The following TRIO variants were observed in gnomAD, a reference collection of about 807,000 sequenced individuals.
TRIO encodes triple functional domain protein.
TRIO carries 58 observed loss-of-function variants against 351.9 expected under a neutral mutation model. The observed-to-expected ratio is 0.16, with a 90% CI of 0.13 to 0.21. The LOEUF (loss-of-function observed/expected upper bound fraction) is 0.21. Ranked by LOEUF, TRIO falls within the 10% of genes least tolerant of loss-of-function variation. TRIO has a pLI of 1.00. For synonymous variants in TRIO, 1,758 were observed against 1,595.7 expected (o/e 1.10, Z -2.42); for missense variants, 3,201 against 4,027.8 (o/e 0.79, Z 5.56).
In TRIO at chr5:14,497,848, T is replaced by C; in HGVS notation, c.8021T>C (p.Leu2674Pro). The C allele has an allele frequency of 6.8e-6, 11 of 1,614,264 alleles. No individual in the cohort carries two copies. Among genetic ancestry groups the C allele is most frequent in the Non-Finnish European group, 9.3e-6 (11 of 1,180,054 alleles). ...EGLSNKVSVK[L>P]LNPNYIYDVP... ...GCTTGTTTGCTGTTTCCATTTCAGCTTCTCAATCCCAACTACATTTATGAC... is the reference window on the plus strand; with the variant it reads ...GCTTGTTTGCTGTTTCCATTTCAGCCTCTCAATCCCAACTACATTTATGAC... Residue 2674 changes from leucine (L) to proline (P), a missense_variant and splice_region_variant, in exon 51 of 57, where the codon CTT becomes CCT. This residue lies in a region of TRIO where 1,089 missense variants were observed against 954.9 expected (regional missense o/e 1.14). Transcript: ENST00000344204. The surrounding 1 kb of genome is among the most constrained non-coding windows in gnomAD (Gnocchi z 4.4).
chr5:14,486,723 T>C (rs1490975220), intron 47 of TRIO, among the ~76,000 whole-genome samples: 1 of 152,154 alleles, frequency 6.6e-6, no homozygotes, highest in Non-Finnish European at 1.5e-5. Context: ...AGATCGCTCA[T>C]GGGCTGGGAG....
rs187322761 is a variant in TRIO, at chr5:14,482,875, A to G, written c.6657+102A>G. 76 of 1,167,014 alleles carry G rather than the reference A, an allele frequency of 6.5e-5. No individual in the cohort carries two copies. The Admixed American group carries it at 2.1e-3, about 33-fold the overall frequency. 72.3% of individuals were successfully genotyped at this position (1,167,014 alleles called of 1,614,324 possible). ...ATGACATACCCTGATGCTTCGTTTA[A>G]GTATTTGAGAATTTTCTAGTATATT... On this transcript the variant is annotated intron_variant, in intron 46 of 56. Coordinates refer to ENST00000344204, the MANE Select transcript of TRIO (RefSeq NM_007118.4).
At chr5:14,437,860 C>A (rs532919270) in intron 34 of TRIO, among the ~76,000 whole-genome samples, 1 of 152,186 alleles carries the variant, frequency 6.6e-6, no homozygotes, top group South Asian at 2.1e-4. Flanking sequence ...TGGTTTGGGG[C>A]GATGTGAAAT....
chr5:14,228,291 A>G lies in TRIO; in HGVS notation c.158-42534A>G, dbSNP rs184206123. 2.9e-3 allele frequency among the ~76,000 whole-genome samples: 438 copies of G among 152,300 alleles called. 10 individuals carry two copies. Among genetic ancestry groups the G allele is most frequent in the Admixed American group, 0.024 (362 of 15,300 alleles). ...GAATGGACAGAAATCAATTCCTGGT[A>G]CCTGTGACAAAGAAAAAACCATCCA... is the stretch of plus-strand genomic sequence containing the variant. On this transcript the variant is annotated intron_variant, in intron 1 of 56. Coordinates refer to ENST00000344204, the MANE Select transcript of TRIO (RefSeq NM_007118.4).
chr5:14,457,545 GA>G (rs1753446119), intron 34 of TRIO, among the ~76,000 whole-genome samples: 1 of 152,084 alleles, frequency 6.6e-6, no homozygotes, highest in African/African-American at 2.4e-5. Context: ...GCTGGGGAAT[GA>G]CGTATTTAAT....
chr5:14,318,454 CAAAA>C (rs35221462), intron 9 of TRIO, among the ~76,000 whole-genome samples: 4 of 115,526 alleles, frequency 3.5e-5, no homozygotes, highest in Non-Finnish European at 5.4e-5. Context: ...GACTCCATCT[CAAAA>C]AAAAAAAAAA....
chr5:14,317,960 C>T (rs1000944335), intron 9 of TRIO, among the ~76,000 whole-genome samples: 2 of 152,098 alleles, frequency 1.3e-5, no homozygotes, highest in African/African-American at 4.8e-5. Flanking sequence ...AACCGTGTCT[C>T]TACTCAGAAT....
At chr5:14,390,748 G>T (rs1417047271) in intron 26 of TRIO, among the ~76,000 whole-genome samples, 153 bp from the exon 27 acceptor site, 2 of 152,146 alleles carry the variant, frequency 1.3e-5, no homozygotes, top group African/African-American at 4.8e-5. Context: ...AGAACGATGT[G>T]TTTCTTATTT....
At chr5:14,380,394 C>T (rs1579483435) in intron 20 of TRIO, among the ~76,000 whole-genome samples, 1 of 152,244 alleles carries the variant, frequency 6.6e-6, no homozygotes, top group Non-Finnish European at 1.5e-5. Flanking sequence ...AGGCGCAGAC[C>T]TCTGGGTTTC....
At chr5:14,439,455 A>T (rs889784949) in intron 34 of TRIO, among the ~76,000 whole-genome samples, 3 of 152,250 alleles carry the variant, frequency 2.0e-5, no homozygotes, top group Non-Finnish European at 4.4e-5. Flanking sequence ...AAATTCCCTG[A>T]CAGCTCTTTT....
At chr5:14,474,757 G>A (rs931597855) in intron 40 of TRIO, among the ~76,000 whole-genome samples, 1 of 152,060 alleles carries the variant, frequency 6.6e-6, no homozygotes, top group South Asian at 2.1e-4. Context: ...TGAACTCCTG[G>A]GTTCAAGTAA....
intron 1 of TRIO, among the ~76,000 whole-genome samples, chr5:14,146,856 G>A (rs996260894): frequency 9.2e-5 from 14 of 152,198 alleles, no homozygotes; most frequent in African/African-American, 3.1e-4. Flanking sequence ...CGTCCACCCA[G>A]GGTTCACCTC....
At chr5:14,150,860 A>T (rs991592947) in intron 1 of TRIO, among the ~76,000 whole-genome samples, 10 of 152,314 alleles carry the variant, frequency 6.6e-5, no homozygotes, top group Admixed American at 2.6e-4. Context: ...AATGGTAAAG[A>T]TAGATAGGGG....
At chr5:14,437,693 CCG>C (rs140606415) in intron 34 of TRIO, among the ~76,000 whole-genome samples, 4,715 of 141,220 alleles carry the variant, frequency 0.033, 352 homozygotes, top group African/African-American at 0.11. Context: ...ACCACCCCCC[CCG>C]CCCCAAGGAC....
chr5:14,360,595 G>A (rs1744058661), intron 13 of TRIO, among the ~76,000 whole-genome samples: 1 of 152,244 alleles, frequency 6.6e-6, no homozygotes, highest in Non-Finnish European at 1.5e-5. Context: ...TCAGGCTGGG[G>A]ATGGCAGGGC....
In TRIO at chr5:14,364,839, G is replaced by A. The variant is rs772272782; in HGVS notation, c.2754+23G>A. The A allele has an allele frequency of 2.5e-6, 4 of 1,597,046 alleles. No individual in the cohort carries two copies. The Admixed American group carries it at 6.9e-5, about 27-fold the overall frequency. ...CAGGTGAGCAAACGACTGGATGCTT[G>A]GGGAGGCTGCGCTACAGATGCTTGA... On this transcript the variant is annotated intron_variant, in intron 15 of 56. Transcript: ENST00000344204.
chr5:14,260,142 G>A (rs28451829), intron 1 of TRIO, among the ~76,000 whole-genome samples: 6 of 152,160 alleles, frequency 3.9e-5, no homozygotes, highest in African/African-American at 1.4e-4. Context: ...CACAGCAAGC[G>A]TTTCCAACCC....
At chr5:14,347,677 A>G (rs891505712) in intron 11 of TRIO, among the ~76,000 whole-genome samples, 2 of 152,254 alleles carry the variant, frequency 1.3e-5, no homozygotes, top group East Asian at 3.8e-4. Flanking sequence ...AAGCTTTGCA[A>G]GTGAGACTGT....
chr5:14,369,578 T>G (rs1579450946), intron 18 of TRIO, 55 bp downstream of exon 18: 1 of 1,548,660 alleles, frequency 6.5e-7, no homozygotes, highest in Middle Eastern at 1.8e-4. Flanking sequence ...GCCTGCCAGG[T>G]GCGCGTGGCA....
Sources: gnomAD v4.1 joint callset for allele counts (sites outside exome capture counted in the v4.1 genomes callset) on GRCh38, gnomAD v4.1.1 for gene constraint, gnomAD v4.1.1 regional missense constraint, Gnocchi (gnomAD v3.1) non-coding constraint, MANE v1.5 for transcripts, NCBI Gene and HGNC (gene_info 2026-07-23, HGNC 2026-07-21) for gene names.